The following PATL1 variants were observed in gnomAD, a reference collection of about 807,000 sequenced individuals.
The protein encoded by PATL1 is protein PAT1 homolog 1.
A neutral mutation model predicts 100.6 loss-of-function variants in PATL1; 32 were observed. The observed-to-expected ratio is 0.32, with a 90% confidence interval of 0.24 to 0.43. The LOEUF (loss-of-function observed/expected upper bound fraction) is 0.43. Ranked by LOEUF, PATL1 falls within the 20% of genes least tolerant of loss-of-function variation. The pLI, the probability that PATL1 is intolerant of heterozygous loss-of-function variation, is 1.00. For missense variants in PATL1, 747 were observed against 949.9 expected (o/e 0.79, Z 2.81); for synonymous variants, 332 against 330.0 (o/e 1.01, Z -0.07).
At position 59,649,581 on chromosome 11, in the gene PATL1, G is replaced by C; in HGVS notation, c.1614C>G (p.Asp538Glu). 6.2e-7 allele frequency: 1 copy of C among 1,613,240 alleles called. No individual in the cohort carries two copies. Among genetic ancestry groups the C allele is most frequent in the Non-Finnish European group, 8.5e-7 (1 of 1,179,594 alleles). ...KTYSLLLDVE[D>E]YERRYLLSLE... ...GACTTAGGAGATAACGTCTTTCATA[G>C]TCCTCCACATCAAGGAGTAAGCTGT... Residue 538 changes from aspartate to glutamate, a missense_variant, in exon 14 of 19, where the codon GAC (aspartate) becomes GAG (glutamate). Asp to Glu is a conservative substitution (Grantham distance 45, BLOSUM62 2). Around this residue, in one of 4 missense-constraint regions of PATL1, gnomAD observed 434 missense variants for 596.1 expected, o/e 0.73. Transcript: ENST00000300146.
chr11:59,659,537 G>GTT (rs764393639), intron 2 of PATL1, 68 bp from the exon 3 acceptor site: 3,553 of 1,109,630 alleles, frequency 3.2e-3, no homozygotes, highest in Non-Finnish European at 3.8e-3. Flanking sequence ...CACAATTATT[G>GTT]TTTTTTTTTT....
At chr11:59,653,750 C>T (rs961972781) in intron 9 of PATL1, among the ~76,000 whole-genome samples, 2 of 152,100 alleles carry the variant, frequency 1.3e-5, no homozygotes, top group Non-Finnish European at 2.9e-5. Flanking sequence ...TTAAATATTA[C>T]ACAGTATTAT....
chr11:59,656,747 C>T (rs1447473361), intron 5 of PATL1, 147 bp from the exon 6 acceptor site: 3 of 693,240 alleles, frequency 4.3e-6, no homozygotes, highest in African/African-American at 1.8e-5. Context: ...GGTTCAAATA[C>T]AGAACCTTGG....
chr11:59,639,058 T>C lies in PATL1; in HGVS notation c.2281A>G (p.Thr761Ala), dbSNP rs1861234671. The change falls in exon 18 of 19, where the codon ACA (threonine) becomes GCA (alanine). Residue 761 changes from threonine (T) to alanine (A), a missense_variant. Thr to Ala is a moderately conservative substitution (Grantham distance 58). Around this residue, in one of 4 missense-constraint regions of PATL1, gnomAD observed 434 missense variants for 596.1 expected, o/e 0.73. Transcript: ENST00000300146. ...VDRQKLNLLE[T>A]KLQLVQGIR ...CTGTTTCAAACTTACTGCAGTTTTG[T>C]CTCCAGCAAGTTCAGTTTCTGCCGG... The C allele has an allele frequency of 6.2e-7, 1 of 1,613,402 alleles. No individual in the cohort carries two copies. The highest frequency in any genetic ancestry group is 1.7e-4 in the Middle Eastern group (1 of 6,054).
At chr11:59,665,406 A>C (rs532101499) in intron 2 of PATL1, among the ~76,000 whole-genome samples, 72 of 152,376 alleles carry the variant, frequency 4.7e-4, no homozygotes, top group Non-Finnish European at 7.3e-4. Context: ...AGAATCACAC[A>C]CATTTATACA....
chr11:59,654,121 G>T, intron 8 of PATL1, 49 bp from the exon 9 acceptor site: 2 of 1,472,954 alleles, frequency 1.4e-6, no homozygotes, highest in Non-Finnish European at 1.9e-6. Context: ...CTGATGACTT[G>T]AAATTTTAAA....
In PATL1 at chr11:59,639,336, T is replaced by C; in HGVS notation, c.2097A>G (p.Leu699=). 1 of 1,551,018 alleles carries C rather than the reference T, an allele frequency of 6.4e-7. No homozygotes were observed. Among genetic ancestry groups the C allele is most frequent in the Non-Finnish European group, 8.7e-7 (1 of 1,147,092 alleles). ...ATTCTGTAGCAGGGTCTGAACTCTG[T>C]AGGTCTTCACCACGGCTCAGGAGGA... ...LLILLSRGED[L]QSSDPATEST... The change falls in exon 17 of 19, where the codon CTA becomes CTG. Residue 699 remains leucine (L), a synonymous_variant. Coordinates refer to ENST00000300146, the MANE Select transcript of PATL1 (RefSeq NM_152716.3).
At chr11:59,666,773 A>G (rs1861696968) in intron 2 of PATL1, 80 bp downstream of exon 2, 3 of 1,405,370 alleles carry the variant, frequency 2.1e-6, no homozygotes, top group Non-Finnish European at 2.9e-6. Context: ...TACCCCTAAT[A>G]AGATAAAGCA....
chr11:59,642,029 A>G (rs943416987), intron 16 of PATL1, among the ~76,000 whole-genome samples: 4 of 152,160 alleles, frequency 2.6e-5, no homozygotes, highest in African/African-American at 4.8e-5. Flanking sequence ...ACCAGGCATT[A>G]TATCGAACCA....
chr11:59,643,362 A>ATTT (rs1223738901), intron 15 of PATL1, among the ~76,000 whole-genome samples: 2 of 152,108 alleles, frequency 1.3e-5, no homozygotes, highest in African/African-American at 4.8e-5. Flanking sequence ...CATGGGCTAA[A>ATTT]AACAAATGGC....
rs1231491712 is a variant in PATL1 at position 59,652,849 on chromosome 11, A to C, written c.1291T>G (p.Phe431Val). The C allele has an allele frequency of 6.2e-7, 1 of 1,613,344 alleles. No individual in the cohort carries two copies. Among genetic ancestry groups the C allele is most frequent in the Admixed American group, 1.7e-5 (1 of 59,982 alleles). The change falls in exon 10 of 19, where the codon TTT (phenylalanine) becomes GTT (valine). Residue 431 changes from phenylalanine to valine, a missense_variant. Phe to Val is a conservative substitution (Grantham distance 50, BLOSUM62 -1). Around this residue, in one of 4 missense-constraint regions of PATL1, gnomAD observed 434 missense variants for 596.1 expected, o/e 0.73. Coordinates refer to ENST00000300146, the MANE Select transcript of PATL1 (RefSeq NM_152716.3). ...LQSTDPYLDDFYYQNYFEKLE... is the reference protein window; with the variant it reads ...LQSTDPYLDDVYYQNYFEKLE... ...CACAGAGTATTTACCTGGTAATAAA[A>C]ATCATCCAGGTAGGGATCAGTGCTT...
chr11:59,659,476 G>T lies in PATL1; in HGVS notation c.128-7C>A. 1 of 1,547,684 alleles carries T rather than the reference G, an allele frequency of 6.5e-7. No individual in the cohort carries two copies. Among genetic ancestry groups the T allele is most frequent in the Non-Finnish European group, 8.7e-7 (1 of 1,146,558 alleles). On this transcript the variant is annotated splice_polypyrimidine_tract_variant and splice_region_variant and intron_variant, in intron 2 of 18. Transcript: ENST00000300146. ...GCTTCCTGCCAATCATCATCTATAA[G>T]ATGACACAGTTCATGTAAGAAATAG...
chr11:59,647,975 T>C, intron 14 of PATL1, 62 bp from the exon 15 acceptor site: 1 of 1,471,248 alleles, frequency 6.8e-7, no homozygotes, highest in Non-Finnish European at 9.2e-7. Context: ...CTCATTTTTT[T>C]CCTCTTAGAT....
intron 16 of PATL1, among the ~76,000 whole-genome samples, chr11:59,641,511 G>A (rs1861279065): frequency 6.6e-6 from 1 of 152,112 alleles, no homozygotes; most frequent in Non-Finnish European, 1.5e-5. Flanking sequence ...CCAACACTTT[G>A]GGAGGTCGAG....
chr11:59,664,065 T>C (rs1312234744), intron 2 of PATL1, among the ~76,000 whole-genome samples: 1 of 152,216 alleles, frequency 6.6e-6, no homozygotes, highest in East Asian at 1.9e-4. Flanking sequence ...ATCTTTTCTC[T>C]ATATTATTAT....
intron 16 of PATL1, among the ~76,000 whole-genome samples, chr11:59,640,595 C>T (rs986306144): frequency 6.6e-6 from 1 of 151,990 alleles, no homozygotes; most frequent in Non-Finnish European, 1.5e-5. Flanking sequence ...TGGCGGGTGC[C>T]TGTAGTCCCA....
Position 59,657,600 on chromosome 11 carries a change from C to T in PATL1, c.551G>A (p.Ser184Asn). 6.2e-7 allele frequency: 1 copy of T among 1,612,654 alleles called. No individual in the cohort carries two copies. The highest frequency in any genetic ancestry group is 8.5e-7 in the Non-Finnish European group (1 of 1,179,832). Residue 184 changes from serine (S) to asparagine (N), a missense_variant, in exon 5 of 19, where the codon AGT becomes AAT. By Grantham distance (46) the Ser-to-Asn change is conservative (BLOSUM62 1). This residue lies in a region of PATL1 where 183 missense variants were observed against 221.2 expected (regional missense o/e 0.83). Transcript: ENST00000300146. ...PRRSTSPIIGSPPVRAVPIGT... is the reference protein window; with the variant it reads ...PRRSTSPIIGNPPVRAVPIGT... ...TATGGGGACAGCTCTAACAGGAGGA[C>T]TGCCAATGATAGGTGAAGTTGACCG...
At chr11:59,650,974 T>A (rs1158883961) in intron 12 of PATL1, among the ~76,000 whole-genome samples, 161 bp from the exon 13 acceptor site, 2 of 152,242 alleles carry the variant, frequency 1.3e-5, no homozygotes, top group Non-Finnish European at 2.9e-5. Flanking sequence ...AAGGTCAAAG[T>A]TGACTGAATC....
At chr11:59,650,926 CTG>C in intron 12 of PATL1, 113 bp from the exon 13 acceptor site, 1 of 748,714 alleles carries the variant, frequency 1.3e-6, no homozygotes, top group Non-Finnish European at 2.1e-6. Flanking sequence ...AATTGATTCT[CTG>C]AAAGTTAATA....
Sources: gnomAD v4.1 joint callset for allele counts (sites outside exome capture counted in the v4.1 genomes callset) on GRCh38, gnomAD v4.1.1 for gene constraint, gnomAD v4.1.1 regional missense constraint, MANE v1.5 for transcripts, NCBI Gene and HGNC (gene_info 2026-07-23, HGNC 2026-07-21) for gene names.